SLC7A1: variants seen among roughly 807,000 people sequenced by gnomAD.
SLC7A1 encodes the protein solute carrier family 7 member 1, also known as high affinity cationic amino acid transporter 1.
A neutral mutation model predicts 53.9 loss-of-function variants in SLC7A1; 10 were observed. The observed-to-expected ratio is 0.19, with a 90% CI of 0.11 to 0.31. The LOEUF (loss-of-function observed/expected upper bound fraction) is 0.31. Among genes scored for constraint, SLC7A1 ranks in the 10% least tolerant of loss-of-function variants. The pLI is 1.00. For synonymous variants in SLC7A1, 342 were observed against 338.7 expected, an observed-to-expected ratio of 1.01 and a Z score of -0.11; for missense variants, 525 against 827.2, an observed-to-expected ratio of 0.63 and a Z score of 4.48.
chr13:29,536,879 T>C (rs1869444915), intron 2 of SLC7A1, among the ~76,000 whole-genome samples: 1 of 152,198 alleles, frequency 6.6e-6, no homozygotes, highest in Admixed American at 6.5e-5. Flanking sequence ...TGCTCTGTGG[T>C]ATATGATATA....
rs75434710 is a variant in SLC7A1, at chr13:29,587,573, G to C, written c.-115+7843C>G. On this transcript the variant is annotated intron_variant, in intron 1 of 12. Coordinates refer to ENST00000380752, the MANE Select transcript of SLC7A1 (RefSeq NM_003045.5). ...GGCCAGTGCTGTTTCCCTCAATCAC[G>C]CTCCAGGCCCCATCCTTAACCTCTG... 1.0e-2 allele frequency among the ~76,000 whole-genome samples: 1,515 copies of C among 152,210 alleles called. 23 individuals are homozygous for C. The highest frequency in any genetic ancestry group is 0.035 in the African/African-American group (1,466 of 41,512).
chr13:29,510,103 C>G lies in SLC7A1; in HGVS notation c.*4377G>C, dbSNP rs1478070874. 6.6e-6 allele frequency: 1 copy of G among 152,632 alleles called. No homozygotes were observed. The highest frequency in any genetic ancestry group is 6.5e-5 in the Admixed American group (1 of 15,286). 9.5% of individuals were successfully genotyped at this position (152,632 alleles called of 1,614,324 possible). ...AATAAATACCCTGAGAAAATCTTCT[C>G]TTTAAGCTTGGCCAAGGTACTCCAT... On this transcript the variant is annotated 3_prime_UTR_variant, in exon 13 of 13. Transcript: ENST00000380752.
chr13:29,591,543 G>T (rs56067612), intron 1 of SLC7A1, among the ~76,000 whole-genome samples: 3 of 148,148 alleles, frequency 2.0e-5, no homozygotes, highest in African/African-American at 7.5e-5. Flanking sequence ...TGCAGGACAC[G>T]GCAGTGTGGG....
chr13:29,525,944 C>G (rs1255863278), intron 5 of SLC7A1, among the ~76,000 whole-genome samples: 1 of 152,240 alleles, frequency 6.6e-6, no homozygotes, highest in Non-Finnish European at 1.5e-5. Context: ...AGAGGCCCCG[C>G]CGGCCACCCA....
Position 29,530,699 on chromosome 13 carries a change from A to G in SLC7A1, c.543T>C (p.Leu181=). The G allele has an allele frequency of 1.2e-6, 2 of 1,613,974 alleles. No individual in the cohort carries two copies. The highest frequency in any genetic ancestry group is 1.7e-6 in the Non-Finnish European group (2 of 1,179,898). Residue 181 remains leucine, a synonymous_variant, in exon 5 of 13, where the codon CTT becomes CTC. Transcript: ENST00000380752. ...TGACCATGGCCGACTCTTTCACACC[A>G]AGAGTTAAAAGTCCTGAAAAAGTGC... ...IILILTGLLT[L]GVKESAMVNK... is the part of the protein sequence containing the mutation.
intron 1 of SLC7A1, among the ~76,000 whole-genome samples, chr13:29,564,671 C>A (rs1870893578): frequency 6.6e-6 from 1 of 152,200 alleles, no homozygotes; most frequent in South Asian, 2.1e-4. Flanking sequence ...AGGCACAGGT[C>A]CTGAGGAAGA....
chr13:29,514,718 G>T lies in SLC7A1; in HGVS notation c.1787-135C>A, dbSNP rs945590136. The T allele has an allele frequency of 1.1e-5, 7 of 639,326 alleles. No individual in the cohort carries two copies. In the Admixed American group the frequency reaches 1.8e-4, roughly 16 times the overall value. 39.6% of individuals were successfully genotyped at this position (639,326 alleles called of 1,614,324 possible). A position where few individuals can be genotyped will look rare whatever the true frequency, so the allele number is the denominator to read the frequency against. ...CCTGCCTGGCATGAGCCCGCAGCCAGCGGCCCCTGTGACCTTTCCACATCT... is the reference window on the plus strand; with the variant it reads ...CCTGCCTGGCATGAGCCCGCAGCCATCGGCCCCTGTGACCTTTCCACATCT... On this transcript the variant is annotated intron_variant, in intron 12 of 12. Coordinates refer to ENST00000380752, the MANE Select transcript of SLC7A1 (RefSeq NM_003045.5).
chr13:29,582,956 G>A (rs922610404), intron 1 of SLC7A1, among the ~76,000 whole-genome samples: 3 of 152,148 alleles, frequency 2.0e-5, no homozygotes, highest in African/African-American at 7.2e-5. Flanking sequence ...TAATGAACAG[G>A]ACTGTTACAA....
chr13:29,522,897 A>AG (rs1445402904), intron 7 of SLC7A1, among the ~76,000 whole-genome samples: 1 of 152,240 alleles, frequency 6.6e-6, no homozygotes, highest in Non-Finnish European at 1.5e-5. Context: ...TCTCATTAAA[A>AG]GGCACTTATT....
chr13:29,573,741 A>G (rs1240812222), intron 1 of SLC7A1, among the ~76,000 whole-genome samples: 1 of 152,218 alleles, frequency 6.6e-6, no homozygotes, highest in Non-Finnish European at 1.5e-5. Flanking sequence ...TTTTAGTATA[A>G]AAAAGTTATA....
chr13:29,535,642 T>C (rs914193980), intron 3 of SLC7A1, among the ~76,000 whole-genome samples, 177 bp downstream of exon 3: 6 of 152,244 alleles, frequency 3.9e-5, no homozygotes, highest in African/African-American at 1.4e-4. Flanking sequence ...ACTCTAGTAA[T>C]TTAAAAACCT....
At chr13:29,586,163 T>C (rs1056831349) in intron 1 of SLC7A1, among the ~76,000 whole-genome samples, 4 of 152,256 alleles carry the variant, frequency 2.6e-5, no homozygotes, top group African/African-American at 9.6e-5. Flanking sequence ...GTATAATTTG[T>C]ACCAAAGTGC....
At chr13:29,549,941 A>G (rs1973624) in intron 2 of SLC7A1, among the ~76,000 whole-genome samples, 146,165 of 152,314 alleles carry the variant, frequency 0.96, 70,457 homozygotes, top group East Asian at 1. Context: ...GGGATTACAG[A>G]TGTGAGCAAC....
chr13:29,514,578 T>A lies in SLC7A1; in HGVS notation c.1792A>T (p.Ile598Phe), dbSNP rs779312164. 3.1e-6 allele frequency: 5 copies of A among 1,607,386 alleles called. No individual in the cohort carries two copies. The highest frequency in any genetic ancestry group is 2.2e-5 in the East Asian group (1 of 44,804). The stretch of plus-strand genomic sequence containing the variant: ...CACAGGCCATAGCCAAAGTAGATGA[T>A]GAAGCCTGCGGGCCGACAGCAGAGA... ...RFAVWMLIGF[I>F]IYFGYGLWHS... The change falls in exon 13 of 13, where the codon ATC (isoleucine) becomes TTC (phenylalanine). Residue 598 changes from isoleucine (I) to phenylalanine (F), a missense_variant. Ile to Phe is a conservative substitution (Grantham distance 21, BLOSUM62 0). Transcript: ENST00000380752.
chr13:29,593,075 G>C (rs2139198724), intron 1 of SLC7A1, among the ~76,000 whole-genome samples: 1 of 152,314 alleles, frequency 6.6e-6, no homozygotes, highest in South Asian at 2.1e-4. Flanking sequence ...GCAACACACA[G>C]GCAGGCACCT....
At chr13:29,587,201 T>G (rs935705048) in intron 1 of SLC7A1, among the ~76,000 whole-genome samples, 1 of 152,116 alleles carries the variant, frequency 6.6e-6, no homozygotes, top group Non-Finnish European at 1.5e-5. Flanking sequence ...CTGAGGACAA[T>G]GACGTAGTAG....
intron 12 of SLC7A1, 128 bp from the exon 13 acceptor site, chr13:29,514,711 G>A (rs1317705990): frequency 7.7e-6 from 5 of 647,776 alleles, no homozygotes; most frequent in South Asian, 1.9e-5. Context: ...GCATGAGCCC[G>A]CAGCCAGCGG....
At chr13:29,594,222 G>A (rs1477925004) in intron 1 of SLC7A1, among the ~76,000 whole-genome samples, 1 of 152,244 alleles carries the variant, frequency 6.6e-6, no homozygotes, top group Admixed American at 6.5e-5. Flanking sequence ...TTCGGCCAGA[G>A]GCCGACATAC....
intron 2 of SLC7A1, among the ~76,000 whole-genome samples, chr13:29,538,462 C>T (rs1051821578): frequency 6.6e-6 from 1 of 152,198 alleles, no homozygotes; most frequent in Non-Finnish European, 1.5e-5. Context: ...CTTCAGCAAG[C>T]TCTCATGCCA....
Sources: gnomAD v4.1 joint callset for allele counts (sites outside exome capture counted in the v4.1 genomes callset) on GRCh38, gnomAD v4.1.1 for gene constraint, MANE v1.5 for transcripts, NCBI Gene and HGNC (gene_info 2026-07-23, HGNC 2026-07-21) for gene names.